The following CAST variants were observed in gnomAD, a reference collection of about 807,000 sequenced individuals.
The protein encoded by CAST is MIR583 host.
A neutral mutation model predicts 119.6 loss-of-function variants in CAST; 76 were observed. The observed-to-expected ratio is 0.64, with a 90% CI of 0.53 to 0.77. The LOEUF (loss-of-function observed/expected upper bound fraction) is 0.77, where lower values mean the gene tolerates loss of function less well. Ranked by LOEUF, CAST falls within the 30% of genes least tolerant of loss-of-function variation. CAST has a pLI of 0.00. For missense variants in CAST, 953 were observed against 946.5 expected, an observed-to-expected ratio of 1.01 and a Z score of -0.09; for synonymous variants, 319 against 331.6, an observed-to-expected ratio of 0.96 and a Z score of 0.41.
the CAST span, among the ~76,000 whole-genome samples, chr5:96,206,296 T>G: frequency 6.6e-6 from 1 of 152,110 alleles, no homozygotes; most frequent in Admixed American, 6.6e-5. Flanking sequence ...GTTCAGAAGC[T>G]CTTTAGTTTA....
At chr5:96,336,522 C>T in the CAST span, among the ~76,000 whole-genome samples, 4 of 152,116 alleles carry the variant, frequency 2.6e-5, no homozygotes, top group South Asian at 2.1e-4. Context: ...TTAGATTTTT[C>T]GCTCCCAGAG....
chr5:96,587,102 G>C (rs1462893290), intron 1 of CAST, among the ~76,000 whole-genome samples: 1 of 152,150 alleles, frequency 6.6e-6, no homozygotes, highest in Non-Finnish European at 1.5e-5. Flanking sequence ...TTCTATAATA[G>C]CTCTGATTAT....
At chr5:96,541,145 T>C (rs991597779) in intron 1 of CAST, among the ~76,000 whole-genome samples, 1 of 152,192 alleles carries the variant, frequency 6.6e-6, no homozygotes, top group Non-Finnish European at 1.5e-5. Flanking sequence ...TTGTGTCCTC[T>C]CTCATTAATT....
At chr5:96,402,573 G>C in the CAST span, among the ~76,000 whole-genome samples, 3 of 152,180 alleles carry the variant, frequency 2.0e-5, no homozygotes, top group Non-Finnish European at 2.9e-5. Flanking sequence ...AGAGCCTTTT[G>C]TTCGGGGCTC....
chr5:96,146,449 A>G, the CAST span, among the ~76,000 whole-genome samples: 2 of 152,262 alleles, frequency 1.3e-5, no homozygotes, highest in African/African-American at 4.8e-5. Flanking sequence ...AGCAGGCCTC[A>G]GGCAGGGCCT....
At chr5:96,419,893 G>C in the CAST span, among the ~76,000 whole-genome samples, 14 of 152,082 alleles carry the variant, frequency 9.2e-5, no homozygotes, top group Non-Finnish European at 1.8e-4. Context: ...AAAAACTCCA[G>C]AGAATGTCAT....
chr5:96,176,284 C>T, the CAST span, among the ~76,000 whole-genome samples: 3 of 152,186 alleles, frequency 2.0e-5, no homozygotes, highest in Non-Finnish European at 2.9e-5. Context: ...AAAGAGAAGG[C>T]AGTCTAGAGA....
intron 1 of CAST, among the ~76,000 whole-genome samples, chr5:96,633,484 A>C (rs1580853934): frequency 6.6e-6 from 1 of 152,190 alleles, no homozygotes; most frequent in Non-Finnish European, 1.5e-5. Context: ...ATTTAAATTG[A>C]ATGTTTTCTT....
chr5:96,625,288 GTCTC>G (rs147687748), intron 1 of CAST, among the ~76,000 whole-genome samples: 9 of 150,470 alleles, frequency 6.0e-5, no homozygotes, highest in Non-Finnish European at 8.9e-5. Flanking sequence ...CCCTCTCTCT[GTCTC>G]TCTCTCTCTC....
At chr5:96,497,790 A>C in the CAST span, among the ~76,000 whole-genome samples, 1 of 151,874 alleles carries the variant, frequency 6.6e-6, no homozygotes, top group Non-Finnish European at 1.5e-5. Flanking sequence ...GGTTGCAAAA[A>C]TTTTCTCCCC....
At chr5:96,319,597 C>G in the CAST span, among the ~76,000 whole-genome samples, 1 of 152,164 alleles carries the variant, frequency 6.6e-6, no homozygotes, top group Non-Finnish European at 1.5e-5. Context: ...CTCTGTGTAT[C>G]ACAGTCACAA....
chr5:96,511,030 A>G, the CAST span, among the ~76,000 whole-genome samples: 1 of 152,228 alleles, frequency 6.6e-6, no homozygotes, highest in East Asian at 1.9e-4. Context: ...TGTGGTCCAC[A>G]CTGTGGCTCT....
chr5:96,746,043 A>G (rs1399892031), intron 16 of CAST, among the ~76,000 whole-genome samples: 1 of 152,236 alleles, frequency 6.6e-6, no homozygotes, highest in Non-Finnish European at 1.5e-5. Context: ...GCCACATTTT[A>G]CAGCTGAAGA....
chr5:96,224,435 T>C, the CAST span, among the ~76,000 whole-genome samples: 1 of 152,286 alleles, frequency 6.6e-6, no homozygotes, highest in Admixed American at 6.5e-5. Flanking sequence ...GAGACTATTC[T>C]GTTGATCTGG....
At chr5:96,102,130 G>T in the CAST span, among the ~76,000 whole-genome samples, 5 of 152,308 alleles carry the variant, frequency 3.3e-5, no homozygotes, top group South Asian at 1.0e-3. Flanking sequence ...GAGGGCAAAG[G>T]GCCAGTGTGA....
intron 25 of CAST, chr5:96,763,123 A>G: frequency 1.3e-6 from 1 of 779,648 alleles, no homozygotes; most frequent in Non-Finnish European, 2.4e-6. Flanking sequence ...ACTTTAGCGA[A>G]GTCAGCTATG....
the CAST span, among the ~76,000 whole-genome samples, chr5:96,456,368 T>C: frequency 1.3e-5 from 2 of 152,352 alleles, no homozygotes; most frequent in African/African-American, 4.8e-5. Context: ...CATGCTATCA[T>C]GAAAACCTCT....
chr5:96,547,265 G>T (rs1580818810), intron 1 of CAST, among the ~76,000 whole-genome samples: 2 of 152,160 alleles, frequency 1.3e-5, no homozygotes, highest in East Asian at 3.9e-4. Flanking sequence ...AACCAGGAAA[G>T]CCAGTGATGC....
At chr5:96,239,160 A>G in the CAST span, among the ~76,000 whole-genome samples, 1 of 152,072 alleles carries the variant, frequency 6.6e-6, no homozygotes, top group Non-Finnish European at 1.5e-5. Context: ...AATTTTTTTA[A>G]TTAATGGTAA....
Sources: gnomAD v4.1 joint callset for allele counts (sites outside exome capture counted in the v4.1 genomes callset) on GRCh38, gnomAD v4.1.1 for gene constraint, MANE v1.5 for transcripts, NCBI Gene and HGNC (gene_info 2026-07-23, HGNC 2026-07-21) for gene names.